Variants in GOLGA4 observed in about 807,000 individuals in gnomAD.
GOLGA4 encodes golgin A4, also known as golgin subfamily A member 4.
In GOLGA4, 169 loss-of-function variants were observed where a neutral mutation model predicts 265.9. That is an observed-to-expected ratio of 0.64 (90% CI 0.56 to 0.72). GOLGA4 has a LOEUF of 0.72. Ranked by LOEUF, GOLGA4 falls within the 30% of genes least tolerant of loss-of-function variation. GOLGA4 has a pLI of 0.00. For synonymous variants in GOLGA4, 923 were observed against 855.8 expected (o/e 1.08, Z -1.37); for missense variants, 2,482 against 2,483.4 (o/e 1.00, Z 0.01).
In GOLGA4 at chr3:37,324,049, A is replaced by G. The variant is rs1306657907; in HGVS notation, c.2163A>G (p.Leu721=). Residue 721 remains leucine, a synonymous_variant, in exon 14 of 24, where the codon TTA becomes TTG. Transcript: ENST00000361924. ...AAACAGATAAAATGAAGCAGGAATTAGAGGCCAAGATGGATGAACAGAAAA... is the reference window on the plus strand; with the variant it reads ...AAACAGATAAAATGAAGCAGGAATTGGAGGCCAAGATGGATGAACAGAAAA... ...KDQTDKMKQE[L]EAKMDEQKNH... is the part of the protein sequence containing the mutation. The G allele has an allele frequency of 6.2e-7, 1 of 1,614,100 alleles. No individual in the cohort carries two copies. Among genetic ancestry groups the G allele is most frequent in the Non-Finnish European group, 8.5e-7 (1 of 1,180,006 alleles).
intron 18 of GOLGA4, 21 bp downstream of exon 18, chr3:37,337,184 TTTTTTTTTC>T (rs779212306): frequency 1.4e-5 from 18 of 1,260,242 alleles, no homozygotes; most frequent in East Asian, 4.7e-5. Flanking sequence ...TTCTTCTTTT[TTTTTTTTTC>T]TTTTTTTTCT....
chr3:37,286,575 A>G (rs1219000170), intron 4 of GOLGA4, among the ~76,000 whole-genome samples: 1 of 152,136 alleles, frequency 6.6e-6, no homozygotes, highest in African/African-American at 2.4e-5. Context: ...CAGAGATTTT[A>G]CCTCTGTTAA....
At position 37,286,134 on chromosome 3, in the gene GOLGA4, C is replaced by CTTTTTTTTT. The variant is rs1559383108; in HGVS notation, c.525+76_525+77insTTTTTTTTT. On this transcript the variant is annotated intron_variant, in intron 4 of 23. Coordinates refer to ENST00000361924, the MANE Select transcript of GOLGA4 (RefSeq NM_002078.5). Reference sequence around the variant, plus strand: ...AAAGATCTTATATAGTAAGATATTTCTTTCTTTTTTTTTTTTTTTTTTTTT... The same window carrying CTTTTTTTTT: ...AAAGATCTTATATAGTAAGATATTTCTTTTTTTTTTTTCTTTTTTTTTTTTTTTTTTTTT... 8.0e-5 allele frequency: 12 copies of CTTTTTTTTT among 149,212 alleles called. 2 individuals carry two copies. The highest frequency in any genetic ancestry group is 2.5e-4 in the African/African-American group (6 of 24,326). 9.2% of individuals were successfully genotyped at this position (149,212 alleles called of 1,614,324 possible).
intron 2 of GOLGA4, among the ~76,000 whole-genome samples, chr3:37,273,071 A>G (rs148111143): frequency 6.6e-6 from 1 of 152,360 alleles, no homozygotes; most frequent in African/African-American, 2.4e-5. Flanking sequence ...CTTCAAATGA[A>G]TGAGACATTA....
At chr3:37,292,426 G>A (rs919380721) in intron 5 of GOLGA4, among the ~76,000 whole-genome samples, 2 of 152,190 alleles carry the variant, frequency 1.3e-5, no homozygotes, top group Middle Eastern at 3.4e-3. Context: ...TCATGCCTAC[G>A]CCTGTAATCC....
chr3:37,282,379 G>A, intron 3 of GOLGA4, 107 bp downstream of exon 3: 2 of 781,370 alleles, frequency 2.6e-6, no homozygotes, highest in Non-Finnish European at 4.2e-6. Flanking sequence ...TTAATTCTCT[G>A]GATATATCCT....
intron 22 of GOLGA4, among the ~76,000 whole-genome samples, chr3:37,358,658 T>G (rs1488919032): frequency 6.6e-6 from 1 of 152,198 alleles, no homozygotes; most frequent in Non-Finnish European, 1.5e-5. Flanking sequence ...ATGGTGGTGA[T>G]AATTATTTAG....
chr3:37,270,724 A>G (rs1360560272), intron 2 of GOLGA4, among the ~76,000 whole-genome samples: 2 of 151,782 alleles, frequency 1.3e-5, no homozygotes, highest in Non-Finnish European at 1.5e-5. Context: ...ATTTTATGCA[A>G]TTGTCCCCAA....
intron 2 of GOLGA4, chr3:37,276,068 T>C: frequency 1.9e-6 from 3 of 1,612,492 alleles, no homozygotes; most frequent in Non-Finnish European, 2.5e-6. Flanking sequence ...TCGAGATACT[T>C]ATGTTTCATC....
At chr3:37,307,329 G>A (rs879391690) in intron 10 of GOLGA4, among the ~76,000 whole-genome samples, 10 of 152,134 alleles carry the variant, frequency 6.6e-5, no homozygotes, top group Admixed American at 5.2e-4. Context: ...GATGTTTGAA[G>A]GACTCTTTAA....
At chr3:37,363,331 C>T (rs1696482490) in intron 23 of GOLGA4, among the ~76,000 whole-genome samples, 1 of 152,168 alleles carries the variant, frequency 6.6e-6, no homozygotes, top group Non-Finnish European at 1.5e-5. Flanking sequence ...AATAATACTG[C>T]ATTGTACTTG....
chr3:37,278,131 GT>G (rs1047208011), intron 2 of GOLGA4, among the ~76,000 whole-genome samples: 36 of 149,630 alleles, frequency 2.4e-4, no homozygotes, highest in African/African-American at 4.2e-4. Flanking sequence ...ATTCAATAAA[GT>G]TTTTTTTGTT....
rs1447732067 is a variant in GOLGA4 at position 37,324,396 on chromosome 3, T to C, written c.2510T>C (p.Leu837Pro). 1.2e-6 allele frequency: 2 copies of C among 1,614,190 alleles called. No individual in the cohort carries two copies. Among genetic ancestry groups the C allele is most frequent in the Non-Finnish European group, 1.7e-6 (2 of 1,180,006 alleles). The change falls in exon 14 of 24, where the codon CTT (leucine) becomes CCT (proline). Residue 837 changes from leucine (L) to proline (P), a missense_variant. Physicochemically the swap from Leu to Pro is moderately conservative, Grantham distance 98 (BLOSUM62 -3). This residue lies in a region of GOLGA4 where 1,536 missense variants were observed against 1,483.7 expected (regional missense o/e 1.04). Transcript: ENST00000361924. ...TTGGATTTGGAAACAGAAAGAATTC[T>C]TCTTACCAAACAGGTTGCTGAAGTT... Reference protein sequence around the residue: ...KLLDLETERILLTKQVAEVEA... With the variant: ...KLLDLETERIPLTKQVAEVEA...
rs1479463254 is a variant in GOLGA4, at chr3:37,335,165, A to C, written c.6305A>C (p.Asn2102Thr). ...CAGGAGGAGAACCCTGGCAATGATA[A>C]TGTGAGAGGAGTTTGAGTTTGCTGC... is the stretch of plus-strand genomic sequence containing the variant. The part of the protein sequence containing the change: ...LEQEENPGND[N>T]VTIMELQTQL... The change falls in exon 17 of 24, where the codon AAT becomes ACT. Residue 2102 changes from asparagine (N) to threonine (T), a missense_variant and splice_region_variant. Asn to Thr is a moderately conservative substitution (Grantham distance 65). Around this residue, in one of 3 missense-constraint regions of GOLGA4, gnomAD observed 942 missense variants for 983.1 expected, o/e 0.96. Coordinates refer to ENST00000361924, the MANE Select transcript of GOLGA4 (RefSeq NM_002078.5). 6.6e-7 allele frequency: 1 copy of C among 1,507,448 alleles called. No homozygotes were observed. Among genetic ancestry groups the C allele is most frequent in the Non-Finnish European group, 9.2e-7 (1 of 1,089,264 alleles). The allele number at this position is 1,507,448 out of a possible 1,614,324, so 93.4% of individuals were successfully genotyped here. A position where few individuals can be genotyped will look rare whatever the true frequency, so the allele number is the denominator to read the frequency against.
chr3:37,325,764 AACAGGCT>A lies in GOLGA4; in HGVS notation c.3881_3887del (p.Gln1294LeufsTer4), dbSNP rs2096968480. 1.9e-6 allele frequency: 3 copies of A among 1,613,678 alleles called. No individual in the cohort carries two copies. Among genetic ancestry groups the A allele is most frequent in the Non-Finnish European group, 2.5e-6 (3 of 1,179,676 alleles). ...CAAAATACACTAAATATTTCTTTTC[AACAGGCT>A]ACTCATCAGTTAGAAGAAAAAGAAA... On this transcript the variant is annotated frameshift_variant, in exon 14 of 24. Transcript: ENST00000361924. LOFTEE classifies it high-confidence loss of function.
In GOLGA4 at chr3:37,325,652, C is replaced by T. The variant is rs752958030; in HGVS notation, c.3766C>T (p.Arg1256Cys). Residue 1256 changes from arginine to cysteine, a missense_variant, in exon 14 of 24, where the codon CGT becomes TGT. Transcript: ENST00000361924. ...TTCTAGGATTTCTCATTGTCAGCAC[C>T]GTACAACTAAAGTTAAGGAGGCACT... ...ILSRISHCQH[R>C]TTKVKEALLI... 171 of 1,613,804 alleles carry T rather than the reference C, an allele frequency of 1.1e-4. No individual in the cohort carries two copies. The Admixed American group carries it at 2.0e-3, about 19-fold the overall frequency.
rs1379605225 is a variant in GOLGA4, at chr3:37,326,014, A to G, written c.4128A>G (p.Leu1376=). Residue 1376 remains leucine, a synonymous_variant, in exon 14 of 24, where the codon CTA becomes CTG. Coordinates refer to ENST00000361924, the MANE Select transcript of GOLGA4 (RefSeq NM_002078.5). ...KVEISSLSKQ[L]TDLNVQLQNS... is the part of the protein sequence containing the mutation. ...AGATTAGCAGTCTTAGTAAACAACT[A>G]ACTGATTTGAATGTTCAGCTTCAAA... 1 of 1,613,408 alleles carries G rather than the reference A, an allele frequency of 6.2e-7. No individual in the cohort carries two copies. The highest frequency in any genetic ancestry group is 1.7e-5 in the Admixed American group (1 of 59,950).
At chr3:37,332,688 C>T (rs894867258) in intron 16 of GOLGA4, among the ~76,000 whole-genome samples, 1 of 151,960 alleles carries the variant, frequency 6.6e-6, no homozygotes, top group African/African-American at 2.4e-5. Flanking sequence ...GTGTCCTCTC[C>T]CTCTTCTCCC....
At chr3:37,276,536 G>C (rs1349810166) in intron 2 of GOLGA4, 13 of 1,601,480 alleles carry the variant, frequency 8.1e-6, no homozygotes, top group Non-Finnish European at 1.1e-5. Flanking sequence ...CCGTAGTGCT[G>C]ATGAACCAGT....
Sources: gnomAD v4.1 joint callset for allele counts (sites outside exome capture counted in the v4.1 genomes callset) on GRCh38, gnomAD v4.1.1 for gene constraint, gnomAD v4.1.1 regional missense constraint, MANE v1.5 for transcripts, NCBI Gene and HGNC (gene_info 2026-07-23, HGNC 2026-07-21) for gene names.